Variants in PRKCE observed in about 807,000 individuals in gnomAD.
PRKCE encodes protein kinase C epsilon type.
In PRKCE, 16 loss-of-function variants were observed where a neutral mutation model predicts 85.4. That is an observed-to-expected ratio of 0.19 (90% CI 0.13 to 0.28). The LOEUF is 0.28. Among genes scored for constraint, PRKCE ranks in the 10% least tolerant of loss-of-function variants. The probability of loss-of-function intolerance (pLI) is 1.00; values close to 1 mark genes in which losing one functional copy is unlikely to be tolerated. For synonymous variants in PRKCE, 388 were observed against 371.5 expected, an observed-to-expected ratio of 1.04 and a Z score of -0.51; for missense variants, 573 against 975.2, an observed-to-expected ratio of 0.59 and a Z score of 5.49.
intron 2 of PRKCE, among the ~76,000 whole-genome samples, chr2:45,873,824 C>T (rs1385142453): frequency 6.6e-6 from 1 of 152,192 alleles, no homozygotes; most frequent in African/African-American, 2.4e-5. Flanking sequence ...GCAGTGTTTA[C>T]CAGAGGATGC....
chr2:45,657,792 A>G (rs570670055), intron 1 of PRKCE, among the ~76,000 whole-genome samples: 1 of 152,172 alleles, frequency 6.6e-6, no homozygotes, highest in Non-Finnish European at 1.5e-5. Flanking sequence ...TCTGGGAGAT[A>G]GGCCTGTACA....
intron 1 of PRKCE, among the ~76,000 whole-genome samples, chr2:45,788,356 TG>T (rs1686776588): frequency 6.6e-6 from 1 of 152,256 alleles, no homozygotes; most frequent in Admixed American, 6.5e-5. Context: ...GCATCGGTAA[TG>T]TTGCTATGCA....
intron 2 of PRKCE, among the ~76,000 whole-genome samples, chr2:45,953,741 C>A (rs539773776): frequency 5.9e-5 from 9 of 152,250 alleles, no homozygotes; most frequent in Non-Finnish European, 1.0e-4. Context: ...CTGGGCTCCC[C>A]CCGAAGAGAT....
intron 11 of PRKCE, among the ~76,000 whole-genome samples, chr2:46,097,348 C>A (rs1670789239): frequency 6.6e-6 from 1 of 150,542 alleles, no homozygotes; most frequent in African/African-American, 2.4e-5. Context: ...GAAACCCCGT[C>A]TCTACTAAAT....
intron 1 of PRKCE, among the ~76,000 whole-genome samples, chr2:45,796,448 C>A (rs1464528220): frequency 6.6e-6 from 1 of 152,116 alleles, no homozygotes; most frequent in African/African-American, 2.4e-5. Context: ...TGTATGGGTG[C>A]CACATAATAC....
At chr2:45,923,266 C>T (rs1167752880) in intron 2 of PRKCE, among the ~76,000 whole-genome samples, 1 of 152,196 alleles carries the variant, frequency 6.6e-6, no homozygotes, top group Non-Finnish European at 1.5e-5. Context: ...TATTGTGACA[C>T]ATATACCTCT....
At chr2:45,859,368 G>A (rs980558840) in intron 2 of PRKCE, among the ~76,000 whole-genome samples, 13 of 152,070 alleles carry the variant, frequency 8.5e-5, no homozygotes, top group African/African-American at 2.9e-4. Context: ...CAACAGATAC[G>A]TGCACATTCG....
rs781215369 is a variant in PRKCE at position 45,895,191 on chromosome 2, G to A, written c.412+52128G>A. On this transcript the variant is annotated intron_variant, in intron 2 of 14. Coordinates refer to ENST00000306156, the MANE Select transcript of PRKCE (RefSeq NM_005400.3). The surrounding 1 kb of genome is among the most constrained non-coding windows in gnomAD (Gnocchi z 4.8). Reference sequence around the variant, plus strand: ...AGGAAGTTTTTTTCAGGCGGAGTGGGTTGGATGAGGCACATGTTTCTAGAC... The same window carrying A: ...AGGAAGTTTTTTTCAGGCGGAGTGGATTGGATGAGGCACATGTTTCTAGAC... 5.3e-5 allele frequency among the ~76,000 whole-genome samples: 8 copies of A among 152,172 alleles called. No homozygotes were observed. The highest frequency in any genetic ancestry group is 1.0e-4 in the Non-Finnish European group (7 of 68,012).
chr2:46,131,288 G>A (rs1005050892), intron 11 of PRKCE, among the ~76,000 whole-genome samples: 1 of 152,172 alleles, frequency 6.6e-6, no homozygotes, highest in African/African-American at 2.4e-5. Flanking sequence ...CTTCCTGCCA[G>A]GATTTGAGAA....
intron 1 of PRKCE, among the ~76,000 whole-genome samples, chr2:45,825,434 G>A (rs1689866595): frequency 6.6e-6 from 1 of 152,226 alleles, no homozygotes; most frequent in Admixed American, 6.5e-5. Flanking sequence ...AGGCAGATAG[G>A]TTTCTTAGCA....
At position 45,976,484 on chromosome 2, in the gene PRKCE, G is replaced by T. The variant is rs754490666; in HGVS notation, c.468G>T (p.Arg156=). The change falls in exon 3 of 15, where the codon CGG becomes CGT. Residue 156 remains arginine, a synonymous_variant. Transcript: ENST00000306156. ...GGGAACGCATGCGGCCGAGGAAGCGGCAGGGGGCCGTCAGGCGCAGGGTCC... is the reference window on the plus strand; with the variant it reads ...GGGAACGCATGCGGCCGAGGAAGCGTCAGGGGGCCGTCAGGCGCAGGGTCC... ...VFRERMRPRK[R]QGAVRRRVHQ... The T allele has an allele frequency of 1.6e-5, 26 of 1,599,726 alleles. No individual in the cohort carries two copies. Among genetic ancestry groups the T allele is most frequent in the Non-Finnish European group, 2.2e-5 (26 of 1,179,954 alleles).
At chr2:45,789,972 C>G (rs987919780) in intron 1 of PRKCE, among the ~76,000 whole-genome samples, 1 of 152,246 alleles carries the variant, frequency 6.6e-6, no homozygotes, top group Non-Finnish European at 1.5e-5. Flanking sequence ...GAGCTTTGAT[C>G]AAACGCCTGG....
At chr2:46,079,189 A>AAG (rs1668830756) in intron 10 of PRKCE, among the ~76,000 whole-genome samples, 6 of 151,634 alleles carry the variant, frequency 4.0e-5, no homozygotes, top group African/African-American at 2.4e-5. Context: ...AAAAAAAAAA[A>AAG]AAAGAAAATA....
intron 2 of PRKCE, among the ~76,000 whole-genome samples, chr2:45,964,844 G>A (rs4953292): frequency 0.49 from 74,843 of 152,012 alleles, 18,517 homozygotes; most frequent in Middle Eastern, 0.61. Context: ...TGTGCCTACC[G>A]TATCAAAGTC....
At chr2:46,123,394 G>C (rs542369093) in intron 11 of PRKCE, among the ~76,000 whole-genome samples, 1 of 152,000 alleles carries the variant, frequency 6.6e-6, no homozygotes, top group African/African-American at 2.4e-5. Flanking sequence ...AAATGCAAGG[G>C]ATTACTTTTA....
At chr2:45,677,667 G>A (rs1010912944) in intron 1 of PRKCE, among the ~76,000 whole-genome samples, 9 of 152,172 alleles carry the variant, frequency 5.9e-5, no homozygotes, top group Non-Finnish European at 1.3e-4. Flanking sequence ...GATTCAAATT[G>A]TATCACCCTG....
At chr2:46,064,261 A>G (rs1406098638) in intron 10 of PRKCE, among the ~76,000 whole-genome samples, 1 of 146,540 alleles carries the variant, frequency 6.8e-6, no homozygotes, top group Non-Finnish European at 1.5e-5. Flanking sequence ...CACCTGGGTG[A>G]CAGAGTGAGA....
At chr2:46,161,272 G>T (rs1191372028) in intron 14 of PRKCE, among the ~76,000 whole-genome samples, 1 of 152,238 alleles carries the variant, frequency 6.6e-6, no homozygotes, top group African/African-American at 2.4e-5. Flanking sequence ...AGGGGAAGTA[G>T]GACCCCAGAG....
chr2:45,750,901 C>G (rs930859647), intron 1 of PRKCE, among the ~76,000 whole-genome samples: 1 of 152,116 alleles, frequency 6.6e-6, no homozygotes, highest in Non-Finnish European at 1.5e-5. Flanking sequence ...TCCTGTCTAC[C>G]CTTGCAGCCA....
Sources: allele counts gnomAD v4.1 joint callset (sites outside exome capture counted in the v4.1 genomes callset), GRCh38; gene constraint gnomAD v4.1.1; non-coding constraint Gnocchi (gnomAD v3.1); transcripts MANE v1.5; gene names NCBI Gene and HGNC (gene_info 2026-07-23, HGNC 2026-07-21).